The following FLRT2 variants were observed in gnomAD, a reference collection of about 807,000 sequenced individuals.
FLRT2 encodes fibronectin leucine rich transmembrane protein 2, also known as leucine-rich repeat transmembrane protein FLRT2.
FLRT2 carries 15 observed loss-of-function variants against 40.0 expected under a neutral mutation model. The observed-to-expected ratio is 0.38, with a 90% confidence interval of 0.25 to 0.58. FLRT2 has a LOEUF of 0.58. Ranked by LOEUF, FLRT2 falls within the 20% of genes least tolerant of loss-of-function variation. The pLI is 0.71. For missense variants in FLRT2, 726 were observed against 840.0 expected, an observed-to-expected ratio of 0.86 and a Z score of 1.68; for synonymous variants, 380 against 336.8, an observed-to-expected ratio of 1.13 and a Z score of -1.41.
rs28364863 is a variant in FLRT2 at position 85,624,898 on chromosome 14, C to T, written c.*1401C>T. 0.021 allele frequency: 3,591 copies of T among 167,096 alleles called. 62 individuals carry two copies. Among genetic ancestry groups the T allele is most frequent in the South Asian group, 0.081 (392 of 4,820 alleles). 10.4% of individuals were successfully genotyped at this position (167,096 alleles called of 1,614,324 possible). On this transcript the variant is annotated 3_prime_UTR_variant, in exon 2 of 2. Transcript: ENST00000330753. Reference sequence around the variant, plus strand: ...CCTTGGACTGACTTTGATCCTGTTCCACTTTTGAAATTTTATTTGTTCCTT... The same window carrying T: ...CCTTGGACTGACTTTGATCCTGTTCTACTTTTGAAATTTTATTTGTTCCTT...
At chr14:85,563,994 C>T (rs1890497258) in intron 1 of FLRT2, among the ~76,000 whole-genome samples, 1 of 152,062 alleles carries the variant, frequency 6.6e-6, no homozygotes. Context: ...TGAAAGGGCC[C>T]CTACATTTGA....
chr14:85,568,375 T>C (rs1890728494), intron 1 of FLRT2, among the ~76,000 whole-genome samples: 1 of 152,090 alleles, frequency 6.6e-6, no homozygotes, highest in African/African-American at 2.4e-5. Flanking sequence ...AGAGTGAACA[T>C]GGAAATCATA....
chr14:85,570,561 T>TTTATTTTATTTA (rs541176244), intron 1 of FLRT2, among the ~76,000 whole-genome samples: 3 of 139,298 alleles, frequency 2.2e-5, no homozygotes, highest in South Asian at 2.4e-4. Context: ...TTTTTATTTA[T>TTTATTTTATTTA]TTTATTTATT....
intron 1 of FLRT2, among the ~76,000 whole-genome samples, chr14:85,605,785 T>TA (rs976832051): frequency 2.6e-4 from 39 of 152,060 alleles, no homozygotes; most frequent in African/African-American, 8.0e-4. Flanking sequence ...AATAAATAAA[T>TA]AAAATAAAAT....
intron 1 of FLRT2, among the ~76,000 whole-genome samples, chr14:85,566,531 T>A (rs1890619868): frequency 7.4e-6 from 1 of 134,984 alleles, no homozygotes; most frequent in Non-Finnish European, 1.6e-5. Flanking sequence ...GAACACTCAG[T>A]CCTCTTAACT....
intron 1 of FLRT2, among the ~76,000 whole-genome samples, chr14:85,533,974 G>A (rs910886258): frequency 5.9e-5 from 9 of 152,198 alleles, no homozygotes; most frequent in African/African-American, 2.2e-4. Context: ...GCTGGAAGGA[G>A]ACCTCGAGAA....
chr14:85,581,733 T>TA (rs1415865958), intron 1 of FLRT2, among the ~76,000 whole-genome samples: 10 of 152,236 alleles, frequency 6.6e-5, no homozygotes, highest in African/African-American at 1.9e-4. Flanking sequence ...TATTTATTTT[T>TA]ATTCAGGGAA....
chr14:85,604,580 G>T (rs1892524617), intron 1 of FLRT2, among the ~76,000 whole-genome samples: 1 of 151,190 alleles, frequency 6.6e-6, no homozygotes, highest in South Asian at 2.1e-4. Flanking sequence ...GAGAGAGTTG[G>T]AAAACTCCAC....
Position 85,644,802 on chromosome 14 carries a change from G to A in FLRT2, c.*21305G>A, listed in dbSNP as rs1894250540. ...CTAGCTTTTCCAGGCTGTGGTCCAGGCTGCTGTCTTTGCTACTTGGTTACA... is the reference window on the plus strand; with the variant it reads ...CTAGCTTTTCCAGGCTGTGGTCCAGACTGCTGTCTTTGCTACTTGGTTACA... On this transcript the variant is annotated 3_prime_UTR_variant, in exon 2 of 2. Coordinates refer to ENST00000330753, the MANE Select transcript of FLRT2 (RefSeq NM_013231.6). 6.6e-6 allele frequency: 1 copy of A among 152,150 alleles called. No homozygotes were observed. The highest frequency in any genetic ancestry group is 2.4e-5 in the African/African-American group (1 of 41,422). The allele number at this position is 152,150 out of a possible 1,614,324, so 9.4% of individuals were successfully genotyped here. A position where few individuals can be genotyped will look rare whatever the true frequency, so the allele number is the denominator to read the frequency against.
At position 85,623,091 on chromosome 14, in the gene FLRT2, C is replaced by A. The variant is rs1347224690; in HGVS notation, c.1577C>A (p.Ala526Glu). The A allele has an allele frequency of 2.5e-6, 4 of 1,613,894 alleles. No individual in the cohort carries two copies. The highest frequency in any genetic ancestry group is 2.7e-5 in the African/African-American group (2 of 74,930). The change falls in exon 2 of 2, where the codon GCG becomes GAG. Residue 526 changes from alanine (A) to glutamate (E), a missense_variant. Physicochemically the swap from Ala to Glu is moderately radical, Grantham distance 107 (BLOSUM62 -1). Transcript: ENST00000330753. ...TATCTGAACAACGGCAGCAACACAG[C>A]GTCCAGCCATGAGCAGACGACGTCC... ...ASYLNNGSNT[A>E]SSHEQTTSHS...
rs1458839704 is a variant in FLRT2 at position 85,631,310 on chromosome 14, A to G, written c.*7813A>G. ...AAAGCCGCTGGAATCACACCTGCCA[A>G]TTATCTGACCGCTTTGTGCGGTTAA... On this transcript the variant is annotated 3_prime_UTR_variant, in exon 2 of 2. Transcript: ENST00000330753. 6.6e-6 allele frequency: 1 copy of G among 151,766 alleles called. No individual in the cohort carries two copies. Among genetic ancestry groups the G allele is most frequent in the Non-Finnish European group, 1.5e-5 (1 of 67,998 alleles). The allele number at this position is 151,766 out of a possible 1,614,324, so 9.4% of individuals were successfully genotyped here.
chr14:85,537,532 G>A (rs950331254), intron 1 of FLRT2, among the ~76,000 whole-genome samples: 6 of 151,874 alleles, frequency 4.0e-5, no homozygotes, highest in East Asian at 1.9e-4. Flanking sequence ...GCGAATTGAC[G>A]TATCAGTATA....
chr14:85,652,393 C>T lies in FLRT2; in HGVS notation c.*28896C>T, dbSNP rs1014544503. The T allele has an allele frequency of 6.6e-6, 1 of 152,010 alleles. No homozygotes were observed. The highest frequency in any genetic ancestry group is 2.4e-5 in the African/African-American group (1 of 41,412). 9.4% of individuals were successfully genotyped at this position (152,010 alleles called of 1,614,324 possible). A position where few individuals can be genotyped will look rare whatever the true frequency, so the allele number is the denominator to read the frequency against. Reference sequence around the variant, plus strand: ...TTTTCATTGAGGAATACCCAAGATACCAAGTTTTCTTTCAGAAGTAATTTG... The same window carrying T: ...TTTTCATTGAGGAATACCCAAGATATCAAGTTTTCTTTCAGAAGTAATTTG... On this transcript the variant is annotated 3_prime_UTR_variant, in exon 2 of 2. Coordinates refer to ENST00000330753, the MANE Select transcript of FLRT2 (RefSeq NM_013231.6).
intron 1 of FLRT2, among the ~76,000 whole-genome samples, chr14:85,561,910 G>T (rs1890349066): frequency 1.3e-5 from 2 of 152,090 alleles, no homozygotes. Context: ...GCTGTTGTTT[G>T]GTTTTAGTGC....
rs181491350 is a variant in FLRT2 at position 85,622,353 on chromosome 14, G to A, written c.839G>A (p.Arg280Gln). The A allele has an allele frequency of 6.8e-6, 11 of 1,613,996 alleles. No individual in the cohort carries two copies. Among genetic ancestry groups the A allele is most frequent in the East Asian group, 2.2e-5 (1 of 44,882 alleles). ...TAFSNLRKLE[R>Q]LDISNNQLRM... is the part of the protein sequence containing the mutation. ...TTCTCAAATCTGCGTAAGCTGGAACGGCTGGATATATCCAACAACCAACTG... is the reference window on the plus strand; with the variant it reads ...TTCTCAAATCTGCGTAAGCTGGAACAGCTGGATATATCCAACAACCAACTG... Residue 280 changes from arginine (R) to glutamine (Q), a missense_variant, in exon 2 of 2, where the codon CGG becomes CAG. Physicochemically the swap from Arg to Gln is conservative, Grantham distance 43 (BLOSUM62 1). This residue lies in a region of FLRT2 where 611 missense variants were observed against 690.0 expected (regional missense o/e 0.89). Coordinates refer to ENST00000330753, the MANE Select transcript of FLRT2 (RefSeq NM_013231.6).
rs1292455101 is a variant in FLRT2 at position 85,634,761 on chromosome 14, T to G, written c.*11264T>G. ...TGACACATATAAAGTGCTCAATAAATGCCAGCTACTTTCTGAAAATATATG... is the reference window on the plus strand; with the variant it reads ...TGACACATATAAAGTGCTCAATAAAGGCCAGCTACTTTCTGAAAATATATG... On this transcript the variant is annotated 3_prime_UTR_variant, in exon 2 of 2. Coordinates refer to ENST00000330753, the MANE Select transcript of FLRT2 (RefSeq NM_013231.6). The G allele has an allele frequency of 6.6e-6, 1 of 152,190 alleles. No individual in the cohort carries two copies. Among genetic ancestry groups the G allele is most frequent in the African/African-American group, 2.4e-5 (1 of 41,446 alleles). The allele number at this position is 152,190 out of a possible 1,614,324, so 9.4% of individuals were successfully genotyped here.
intron 1 of FLRT2, among the ~76,000 whole-genome samples, chr14:85,618,058 A>G (rs1566759267): frequency 6.6e-6 from 1 of 152,246 alleles, no homozygotes; most frequent in Non-Finnish European, 1.5e-5. Flanking sequence ...CTCCTTGCAG[A>G]GGACACAGTT....
rs1163034047 is a variant in FLRT2 at position 85,637,774 on chromosome 14, G to A, written c.*14277G>A. The A allele has an allele frequency of 3.3e-5, 5 of 152,086 alleles. No individual in the cohort carries two copies. The highest frequency in any genetic ancestry group is 1.9e-4 in the East Asian group (1 of 5,194). The allele number at this position is 152,086 out of a possible 1,614,324, so 9.4% of individuals were successfully genotyped here. A position where few individuals can be genotyped will look rare whatever the true frequency, so the allele number is the denominator to read the frequency against. ...TTTGAAACATAATAGTTTCCTTTGC[G>A]CTTCTGTGGATGTCTCTGAAAAAGC... On this transcript the variant is annotated 3_prime_UTR_variant, in exon 2 of 2. Transcript: ENST00000330753.
chr14:85,551,386 A>C (rs1265210007), intron 1 of FLRT2, among the ~76,000 whole-genome samples: 1 of 152,106 alleles, frequency 6.6e-6, no homozygotes, highest in Non-Finnish European at 1.5e-5. Context: ...AAATTTAAGA[A>C]AGGCACAGGC....
Sources: allele counts gnomAD v4.1 joint callset (sites outside exome capture counted in the v4.1 genomes callset), GRCh38; gene constraint gnomAD v4.1.1; regional missense constraint gnomAD v4.1.1; transcripts MANE v1.5; gene names NCBI Gene and HGNC (gene_info 2026-07-23, HGNC 2026-07-21).